Variants in DNAAF9 observed in about 807,000 individuals in gnomAD.
The protein encoded by DNAAF9 is dynein axonemal assembly factor 9.
DNAAF9 carries 90 observed loss-of-function variants against 167.0 expected under a neutral mutation model. That is an observed-to-expected ratio of 0.54 (90% CI 0.45 to 0.64). DNAAF9 has a LOEUF of 0.64. DNAAF9 is among the 30% of genes least tolerant of loss of function. The probability of loss-of-function intolerance (pLI) is 0.00; values close to 1 mark genes in which losing one functional copy is unlikely to be tolerated. For missense variants in DNAAF9, 1,315 were observed against 1,442.2 expected, an observed-to-expected ratio of 0.91 and a Z score of 1.43; for synonymous variants, 491 against 508.8, an observed-to-expected ratio of 0.96 and a Z score of 0.47.
chr20:3,298,460 G>A (rs2069122700), intron 21 of DNAAF9, among the ~76,000 whole-genome samples: 1 of 152,112 alleles, frequency 6.6e-6, no homozygotes, highest in Non-Finnish European at 1.5e-5. Flanking sequence ...TGAGACTACA[G>A]ACACATGCCA....
chr20:3,255,981 G>C, intron 34 of DNAAF9, 25 bp downstream of exon 34: 1 of 1,582,308 alleles, frequency 6.3e-7, no homozygotes, highest in African/African-American at 1.3e-5. Flanking sequence ...ATCTGTGTCA[G>C]GTCTGTCTGG....
intron 6 of DNAAF9, among the ~76,000 whole-genome samples, chr20:3,362,562 C>T (rs2083378096): frequency 6.6e-6 from 1 of 152,022 alleles, no homozygotes. Flanking sequence ...GGTGTCTCAA[C>T]AGTAACACTA....
chr20:3,318,424 A>T, intron 16 of DNAAF9, 24 bp from the exon 17 acceptor site: 1 of 1,215,678 alleles, frequency 8.2e-7, no homozygotes, highest in Non-Finnish European at 1.2e-6. Context: ...GAAACCAGTT[A>T]GATCAGTTAC....
chr20:3,311,995 C>CTTTTTTTTTT (rs397962124), intron 20 of DNAAF9, among the ~76,000 whole-genome samples: 2 of 145,096 alleles, frequency 1.4e-5, no homozygotes, highest in Non-Finnish European at 3.0e-5. Context: ...TCTTTTTTTT[C>CTTTTTTTTTT]TTTTTTTTTT....
At chr20:3,343,298 G>C (rs1006670285) in intron 9 of DNAAF9, among the ~76,000 whole-genome samples, 4 of 152,080 alleles carry the variant, frequency 2.6e-5, no homozygotes, top group African/African-American at 7.2e-5. Context: ...GAGTAGCTGG[G>C]ATTACAGGCG....
Position 3,264,359 on chromosome 20 carries a change from CT to C in DNAAF9, c.2873+78del, listed in dbSNP as rs777325785. 4.3e-3 allele frequency: 3,094 copies of C among 719,572 alleles called. 2 individuals carry two copies. Among genetic ancestry groups the C allele is most frequent in the Non-Finnish European group, 4.6e-3 (1,893 of 409,774 alleles). 44.6% of individuals were successfully genotyped at this position (719,572 alleles called of 1,614,324 possible). A position where few individuals can be genotyped will look rare whatever the true frequency, so the allele number is the denominator to read the frequency against. ...AGCACATCTGGTATTTTCACCTTCT[CT>C]CTTTTTTTTTTTCTGTAAATAAATA... On this transcript the variant is annotated intron_variant, in intron 31 of 36. Transcript: ENST00000252032.
Position 3,256,005 on chromosome 20 carries a change from C to T in DNAAF9, c.3261+1G>A, listed in dbSNP as rs769153788. 9 of 1,611,804 alleles carry T rather than the reference C, an allele frequency of 5.6e-6. No homozygotes were observed. The South Asian group carries it at 8.8e-5, about 16-fold the overall frequency. ...AGGTCTGTCTGGGCTCTGGAAACCACCTGCTTAGCTGACTGCCGCAGCCAG... is the reference window on the plus strand; with the variant it reads ...AGGTCTGTCTGGGCTCTGGAAACCATCTGCTTAGCTGACTGCCGCAGCCAG... On this transcript the variant is annotated splice_donor_variant, in intron 34 of 36. Coordinates refer to ENST00000252032, the MANE Select transcript of DNAAF9 (RefSeq NM_001009984.3). LOFTEE classifies it high-confidence loss of function.
At chr20:3,276,346 C>A (rs1164523278) in intron 29 of DNAAF9, among the ~76,000 whole-genome samples, 4 of 152,192 alleles carry the variant, frequency 2.6e-5, no homozygotes. Context: ...CAGTGTCACT[C>A]CATGAGCCCC....
intron 30 of DNAAF9, among the ~76,000 whole-genome samples, chr20:3,267,700 T>C (rs1476695328): frequency 6.6e-6 from 1 of 151,996 alleles, no homozygotes; most frequent in Non-Finnish European, 1.5e-5. Context: ...TCTGGTATGG[T>C]GGTATGCACT....
chr20:3,376,242 CG>C lies in DNAAF9; in HGVS notation c.343del (p.Arg115AlafsTer18), dbSNP rs1568636979. The C allele has an allele frequency of 6.8e-6, 11 of 1,613,056 alleles. No individual in the cohort carries two copies. Among genetic ancestry groups the C allele is most frequent in the Non-Finnish European group, 9.3e-6 (11 of 1,179,190 alleles). On this transcript the variant is annotated frameshift_variant, in exon 4 of 37. Transcript: ENST00000252032. LOFTEE classifies it high-confidence loss of function. Reference sequence around the variant, plus strand: ...ATGTGCCACATAAGGTAAGAGATAGCGAAAGTTTACAGGATTACAGTACAGA... The same window carrying C: ...ATGTGCCACATAAGGTAAGAGATAGCAAAGTTTACAGGATTACAGTACAGA... Reference protein sequence around the residue: ...VHLYCNPVNFRYLLPYVAHWR... With the variant: ...VHLYCNPVNFXYLLPYVAHWR...
At chr20:3,352,212 T>C (rs181955427) in intron 7 of DNAAF9, among the ~76,000 whole-genome samples, 49 of 152,322 alleles carry the variant, frequency 3.2e-4, no homozygotes, top group African/African-American at 1.1e-3. Flanking sequence ...GAAATGCGCA[T>C]GTACTTGTAA....
intron 31 of DNAAF9, among the ~76,000 whole-genome samples, chr20:3,263,108 G>A (rs1033442888): frequency 2.0e-5 from 3 of 151,624 alleles, no homozygotes; most frequent in Admixed American, 6.6e-5. Flanking sequence ...CCAAGTAGCT[G>A]GGACTACAGG....
At chr20:3,405,882 C>T (rs1335125075) in intron 1 of DNAAF9, among the ~76,000 whole-genome samples, 1 of 152,162 alleles carries the variant, frequency 6.6e-6, no homozygotes, top group East Asian at 1.9e-4. Context: ...GTATCCTATG[C>T]AATGTCTATA....
chr20:3,381,056 C>T (rs151284237), intron 3 of DNAAF9, among the ~76,000 whole-genome samples: 55 of 152,264 alleles, frequency 3.6e-4, no homozygotes, highest in African/African-American at 1.3e-3. Flanking sequence ...AGGACAACAC[C>T]ATGTAATCTG....
intron 10 of DNAAF9, among the ~76,000 whole-genome samples, chr20:3,334,526 T>C (rs2069900667): frequency 1.3e-5 from 2 of 152,244 alleles, no homozygotes; most frequent in Non-Finnish European, 1.5e-5. Context: ...ATATGCAGGT[T>C]TTTGTGTGGA....
rs1053250369 is a variant in DNAAF9, at chr20:3,366,932, A to T, written c.612+7116T>A. On this transcript the variant is annotated intron_variant, in intron 6 of 36. Transcript: ENST00000252032. ...ACGGTGAGACTCTGCCTCAAAAATT[A>T]AAAAAAAAAAAAATTAAAAAAATAA... is the stretch of plus-strand genomic sequence containing the variant. Among the ~76,000 whole-genome samples, 18 of 143,278 alleles carry T rather than the reference A, an allele frequency of 1.3e-4. No individual in the cohort carries two copies. The East Asian group carries it at 1.4e-3, about 11-fold the overall frequency. 94.0% of individuals were successfully genotyped at this position (143,278 alleles called of 152,430 possible).
At chr20:3,373,987 G>T in intron 6 of DNAAF9, 61 bp downstream of exon 6, 3 of 1,025,016 alleles carry the variant, frequency 2.9e-6, no homozygotes, top group Non-Finnish European at 4.6e-6. Flanking sequence ...ACTCACATGG[G>T]TTCTTCATAA....
At chr20:3,266,894 CT>C (rs2068500738) in intron 30 of DNAAF9, among the ~76,000 whole-genome samples, 1 of 150,524 alleles carries the variant, frequency 6.6e-6, no homozygotes, top group African/African-American at 2.4e-5. Flanking sequence ...CTCTTGTTGC[CT>C]AGGCTAGAGT....
intron 11 of DNAAF9, among the ~76,000 whole-genome samples, 178 bp from the exon 12 acceptor site, chr20:3,330,860 C>T (rs547897863): frequency 6.7e-6 from 1 of 149,874 alleles, no homozygotes; most frequent in South Asian, 2.1e-4. Context: ...GGCGTAATCT[C>T]GGCTCACTGC....
Sources: allele counts gnomAD v4.1 joint callset (sites outside exome capture counted in the v4.1 genomes callset), GRCh38; gene constraint gnomAD v4.1.1; transcripts MANE v1.5; gene names NCBI Gene and HGNC (gene_info 2026-07-23, HGNC 2026-07-21).